Variants in CAND2 observed in about 807,000 individuals in gnomAD.
CAND2 encodes the protein cullin associated and neddylation dissociated 2 (putative), also known as cullin-associated NEDD8-dissociated protein 2.
CAND2 carries 62 observed loss-of-function variants against 98.9 expected under a neutral mutation model. The ratio of observed to expected loss-of-function variants is 0.63; its 90% CI spans 0.51 to 0.77. The LOEUF is 0.77. Ranked by LOEUF, CAND2 falls within the 30% of genes least tolerant of loss-of-function variation. CAND2 has a pLI of 0.00. For synonymous variants in CAND2, 770 were observed against 731.9 expected (o/e 1.05, Z -0.84); for missense variants, 1,501 against 1,655.2 (o/e 0.91, Z 1.62).
chr3:12,798,795 G>C (rs1465336705), intron 1 of CAND2, among the ~76,000 whole-genome samples: 2 of 152,150 alleles, frequency 1.3e-5, no homozygotes, highest in South Asian at 2.1e-4. Context: ...TTTAAAGTCC[G>C]AATACCAGGG....
Position 12,834,698 on chromosome 3 carries a change from G to T in CAND2, c.*716G>T, listed in dbSNP as rs1037671904. 4 of 152,362 alleles carry T rather than the reference G, an allele frequency of 2.6e-5. No homozygotes were observed. The highest frequency in any genetic ancestry group is 5.9e-5 in the Non-Finnish European group (4 of 68,158). The allele number at this position is 152,362 out of a possible 1,614,324, so 9.4% of individuals were successfully genotyped here. A position where few individuals can be genotyped will look rare whatever the true frequency, so the allele number is the denominator to read the frequency against. On this transcript the variant is annotated 3_prime_UTR_variant, in exon 15 of 15. Transcript: ENST00000456430. ...GTTGGTTTGTTTCCTTCTGAGGAAG[G>T]TTTCAAATGTGTCTAGTGTTCAGTA...
chr3:12,812,221 C>CTTTT (rs531439250), intron 5 of CAND2, among the ~76,000 whole-genome samples: 5 of 74,516 alleles, frequency 6.7e-5, no homozygotes, highest in South Asian at 9.0e-4. Context: ...AGCTGTTTAT[C>CTTTT]TTTTTTTTTT....
rs2061905746 is a variant in CAND2 at position 12,816,643 on chromosome 3, T to C, written c.1711T>C (p.Ser571Pro). The C allele has an allele frequency of 6.2e-7, 1 of 1,613,734 alleles. No individual in the cohort carries two copies. Among genetic ancestry groups the C allele is most frequent in the Non-Finnish European group, 8.5e-7 (1 of 1,180,038 alleles). Reference sequence around the variant, plus strand: ...TCCTGAGCCATATGTTGGAGAGATGTCTGCTGTCACCCTGGCGCGACTTCG... The same window carrying C: ...TCCTGAGCCATATGTTGGAGAGATGCCTGCTGTCACCCTGGCGCGACTTCG... ...LDPEPYVGEM[S>P]AVTLARLRAT... The change falls in exon 10 of 15, where the codon TCT becomes CCT. Residue 571 changes from serine to proline, a missense_variant. Physicochemically the swap from Ser to Pro is moderately conservative, Grantham distance 74. Around this residue, in one of 3 missense-constraint regions of CAND2, gnomAD observed 1,427 missense variants for 1,545.3 expected, o/e 0.92. Coordinates refer to ENST00000456430, the MANE Select transcript of CAND2 (RefSeq NM_001162499.2).
At chr3:12,827,698 T>TA in intron 13 of CAND2, 94 bp downstream of exon 13, 11 of 1,181,884 alleles carry the variant, frequency 9.3e-6, no homozygotes, top group Non-Finnish European at 1.3e-5. Flanking sequence ...TGCTCCCTAC[T>TA]CCAGGCACCC....
At chr3:12,825,745 T>G in intron 12 of CAND2, 106 bp downstream of exon 12, 3 of 1,244,240 alleles carry the variant, frequency 2.4e-6, no homozygotes, top group Admixed American at 2.2e-5. Flanking sequence ...CGGGGCCACA[T>G]GGCCTGGGTC....
At position 12,815,551 on chromosome 3, in the gene CAND2, A is replaced by AG; in HGVS notation, c.1299+122dup. 5.2e-6 allele frequency: 5 copies of AG among 968,780 alleles called. No homozygotes were observed. The allele number at this position is 968,780 out of a possible 1,614,324, so 60.0% of individuals were successfully genotyped here. A position where few individuals can be genotyped will look rare whatever the true frequency, so the allele number is the denominator to read the frequency against. On this transcript the variant is annotated intron_variant, in intron 8 of 14. Transcript: ENST00000456430. The surrounding 1 kb of genome is among the most constrained non-coding windows in gnomAD (Gnocchi z 5.7). Reference sequence around the variant, plus strand: ...ACATCCAGCCATGGAAGGGAAGGGAAGGGGTCCCTGGGGTGGGGGGCGGGA... The same window carrying AG: ...ACATCCAGCCATGGAAGGGAAGGGAAGGGGGTCCCTGGGGTGGGGGGCGGGA...
intron 10 of CAND2, among the ~76,000 whole-genome samples, chr3:12,819,437 G>A (rs1403511226): frequency 1.3e-5 from 2 of 152,204 alleles, no homozygotes; most frequent in East Asian, 1.9e-4. Context: ...CCACCCATTC[G>A]TTTCCTTCAT....
chr3:12,810,010 A>C, intron 4 of CAND2, 49 bp from the exon 5 acceptor site: 1 of 1,380,556 alleles, frequency 7.2e-7, no homozygotes, highest in Non-Finnish European at 9.3e-7. Context: ...AGCCTGGCCC[A>C]GGTTGCCCGC....
chr3:12,820,982 C>G (rs2061952937), intron 11 of CAND2, among the ~76,000 whole-genome samples: 1 of 152,134 alleles, frequency 6.6e-6, no homozygotes, highest in South Asian at 2.1e-4. Context: ...GCCTGTAATC[C>G]CAGCACTTTG....
intron 14 of CAND2, among the ~76,000 whole-genome samples, chr3:12,831,889 T>G (rs2062056591): frequency 6.6e-6 from 1 of 152,182 alleles, no homozygotes; most frequent in Non-Finnish European, 1.5e-5. Flanking sequence ...ATACTAAAGA[T>G]GTAACATTGA....
rs2062082299 is a variant in CAND2, at chr3:12,834,370, A to C, written c.*388A>C. ...GCTGTAAAAGATCAGGAGGCAGCAG[A>C]CACCACTCTGGTTTCTTCACTGCAT... On this transcript the variant is annotated 3_prime_UTR_variant, in exon 15 of 15. Transcript: ENST00000456430. The C allele has an allele frequency of 5.0e-6, 1 of 199,996 alleles. No homozygotes were observed. The highest frequency in any genetic ancestry group is 1.0e-5 in the Non-Finnish European group (1 of 96,550). The allele number at this position is 199,996 out of a possible 1,614,324, so 12.4% of individuals were successfully genotyped here. A position where few individuals can be genotyped will look rare whatever the true frequency, so the allele number is the denominator to read the frequency against.
At chr3:12,803,003 T>TA (rs2061777434) in intron 1 of CAND2, among the ~76,000 whole-genome samples, 1 of 151,294 alleles carries the variant, frequency 6.6e-6, no homozygotes, top group African/African-American at 2.4e-5. Flanking sequence ...TTTTTTTTTT[T>TA]TTTGGAGACG....
chr3:12,814,194 C>T (rs1508757), intron 7 of CAND2, among the ~76,000 whole-genome samples: 14,547 of 152,192 alleles, frequency 0.096, 1,117 homozygotes, highest in African/African-American at 0.22. Flanking sequence ...CCCACTGTGG[C>T]TGTCCAGACA....
chr3:12,809,039 C>T (rs1445248280), intron 4 of CAND2, among the ~76,000 whole-genome samples: 1 of 151,976 alleles, frequency 6.6e-6, no homozygotes, highest in Non-Finnish European at 1.5e-5. Context: ...ATTGAACAGG[C>T]AGGGGACTGG....
chr3:12,815,004 A>G lies in CAND2; in HGVS notation c.1007-137A>G, dbSNP rs1278103771. The G allele has an allele frequency of 1.6e-5, 13 of 800,202 alleles. No homozygotes were observed. The highest frequency in any genetic ancestry group is 2.4e-5 in the Non-Finnish European group (12 of 507,908). 49.6% of individuals were successfully genotyped at this position (800,202 alleles called of 1,614,324 possible). A position where few individuals can be genotyped will look rare whatever the true frequency, so the allele number is the denominator to read the frequency against. On this transcript the variant is annotated intron_variant, in intron 7 of 14. Transcript: ENST00000456430. The surrounding 1 kb of genome is among the most constrained non-coding windows in gnomAD (Gnocchi z 5.7). ...CATTAAAAGGTAGGGAATGTTCCCCATAGGGTATCTATAAATGCTGATCAT... is the reference window on the plus strand; with the variant it reads ...CATTAAAAGGTAGGGAATGTTCCCCGTAGGGTATCTATAAATGCTGATCAT...
rs769701239 is a variant in CAND2 at position 12,815,356 on chromosome 3, C to T, written c.1222C>T (p.Gln408Ter). 16 of 1,613,850 alleles carry T rather than the reference C, an allele frequency of 9.9e-6. No homozygotes were observed. Among genetic ancestry groups the T allele is most frequent in the African/African-American group, 9.3e-5 (7 of 74,930 alleles). The change falls in exon 8 of 15, where the codon CAG becomes TAG. Residue 408 changes from glutamine (Q) to a stop codon, truncating the protein, a stop_gained. Coordinates refer to ENST00000456430, the MANE Select transcript of CAND2 (RefSeq NM_001162499.2). LOFTEE classifies it high-confidence loss of function. This position sits in a 1 kb window ranked among gnomAD's most constrained non-coding sequence, Gnocchi z 5.7. The stretch of plus-strand genomic sequence containing the variant: ...TTACATCGTGCTGCTGCGGCAAACA[C>T]AGCCCCCGAAGGGATGGCTGGAGGC... ...TAYIVLLRQT[Q>*]PPKGWLEAME...
At chr3:12,806,341 A>C (rs904972855) in intron 2 of CAND2, among the ~76,000 whole-genome samples, 2 of 152,288 alleles carry the variant, frequency 1.3e-5, no homozygotes, top group East Asian at 3.9e-4. Context: ...ACCATTGTGC[A>C]TTGCAGTCAC....
rs1325322155 is a variant in CAND2 at position 12,817,032 on chromosome 3, T to C, written c.2100T>C (p.Pro700=). 1 of 1,613,074 alleles carries C rather than the reference T, an allele frequency of 6.2e-7. No homozygotes were observed. Among genetic ancestry groups the C allele is most frequent in the Admixed American group, 1.7e-5 (1 of 60,018 alleles). The change falls in exon 10 of 15, where the codon CCT becomes CCC. Residue 700 remains proline (P), a synonymous_variant. Coordinates refer to ENST00000456430, the MANE Select transcript of CAND2 (RefSeq NM_001162499.2). ...SAVQAVLAEL[P]ALVNESDMHV... The stretch of plus-strand genomic sequence containing the variant: ...TGCAGGCCGTGCTGGCTGAGCTGCC[T>C]GCCCTGGTCAACGAGAGCGACATGC...
In CAND2 at chr3:12,827,596, G is replaced by A. The variant is rs761484811; in HGVS notation, c.3367G>A (p.Asp1123Asn). Residue 1123 changes from aspartate to asparagine, a missense_variant, in exon 13 of 15, where the codon GAC becomes AAC. This residue lies in a region of CAND2 where 1,427 missense variants were observed against 1,545.3 expected (regional missense o/e 0.92). Coordinates refer to ENST00000456430, the MANE Select transcript of CAND2 (RefSeq NM_001162499.2). ...GGAGGACGGGCTGAAGGACCACTACGACATCCGGGTAAGACCAAGCCCCCT... is the reference window on the plus strand; with the variant it reads ...GGAGGACGGGCTGAAGGACCACTACAACATCCGGGTAAGACCAAGCCCCCT... Reference protein sequence around the residue: ...HVEDGLKDHYDIRMLTFIMVA... With the variant: ...HVEDGLKDHYNIRMLTFIMVA... The A allele has an allele frequency of 3.5e-5, 56 of 1,610,580 alleles. No individual in the cohort carries two copies. Among genetic ancestry groups the A allele is most frequent in the Admixed American group, 6.7e-5 (4 of 59,822 alleles).
Sources: gnomAD v4.1 joint callset for allele counts (sites outside exome capture counted in the v4.1 genomes callset) on GRCh38, gnomAD v4.1.1 for gene constraint, gnomAD v4.1.1 regional missense constraint, Gnocchi (gnomAD v3.1) non-coding constraint, MANE v1.5 for transcripts, NCBI Gene and HGNC (gene_info 2026-07-23, HGNC 2026-07-21) for gene names.